Variants in UTS2 observed in about 807,000 individuals in gnomAD.
UTS2 encodes the protein urotensin 2.
In UTS2, 10 loss-of-function variants were observed where a neutral mutation model predicts 12.6. The ratio of observed to expected loss-of-function variants is 0.80; its 90% confidence interval spans 0.49 to 1.35. The LOEUF is 1.35. Among genes scored for constraint, UTS2 ranks in the 40% most tolerant of loss-of-function variants. UTS2 has a pLI of 0.00. For missense variants in UTS2, 142 were observed against 143.2 expected, an observed-to-expected ratio of 0.99 and a Z score of 0.04; for synonymous variants, 52 against 50.0, an observed-to-expected ratio of 1.04 and a Z score of -0.17.
the UTS2 span, among the ~76,000 whole-genome samples, chr1:7,866,367 C>T: frequency 2.0e-4 from 31 of 152,138 alleles, no homozygotes; most frequent in Non-Finnish European, 3.5e-4. This position sits in a 1 kb window ranked among gnomAD's most constrained non-coding sequence, Gnocchi z 4.5. Flanking sequence ...GTCAAGTGAG[C>T]GTGAGCGTGG....
At chr1:7,902,767 T>G in the UTS2 span, among the ~76,000 whole-genome samples, 1 of 152,086 alleles carries the variant, frequency 6.6e-6, no homozygotes, top group African/African-American at 2.4e-5. Flanking sequence ...CGTTAGCCTT[T>G]AACAGAGGCG....
chr1:7,875,645 G>A, the UTS2 span, among the ~76,000 whole-genome samples: 1 of 152,056 alleles, frequency 6.6e-6, no homozygotes, highest in Non-Finnish European at 1.5e-5. Context: ...CATCATCTGA[G>A]GGCCAAGGGA....
the UTS2 span, among the ~76,000 whole-genome samples, chr1:7,862,962 C>T: frequency 6.6e-6 from 1 of 150,848 alleles, no homozygotes; most frequent in African/African-American, 2.5e-5. Context: ...ATAAGGCCTA[C>T]CCTGACGGCC....
the UTS2 span, among the ~76,000 whole-genome samples, chr1:7,897,912 G>C: frequency 6.6e-6 from 1 of 151,958 alleles, no homozygotes; most frequent in Non-Finnish European, 1.5e-5. Flanking sequence ...TATATATGTC[G>C]CATCCTTCTT....
the UTS2 span, among the ~76,000 whole-genome samples, chr1:7,876,682 A>G: frequency 2.6e-5 from 4 of 152,178 alleles, no homozygotes; most frequent in Non-Finnish European, 4.4e-5. Flanking sequence ...AAAATCATAT[A>G]AAGACTATAC....
At chr1:7,861,457 T>C in the UTS2 span, among the ~76,000 whole-genome samples, 4 of 151,842 alleles carry the variant, frequency 2.6e-5, no homozygotes, top group African/African-American at 9.7e-5. Flanking sequence ...TTTTGCAGAG[T>C]CTTGCTAGAA....
At position 7,853,021 on chromosome 1, in the gene UTS2, C is replaced by T. The variant is rs376634549; in HGVS notation, c.-18G>A. 2.0e-5 allele frequency: 32 copies of T among 1,597,746 alleles called. No individual in the cohort carries two copies. The African/African-American group carries it at 2.2e-4, about 11-fold the overall frequency. ...TTATACATGATCGCCACAAGATAGA[C>T]GGCTTCCTTCTTGGCTTCTGTTGTA... On this transcript the variant is annotated 5_prime_UTR_variant, in exon 1 of 4. Transcript: ENST00000361696.
chr1:7,885,908 TG>T, the UTS2 span, among the ~76,000 whole-genome samples: 79 of 14,006 alleles, frequency 5.6e-3, 4 homozygotes, highest in East Asian at 0.2. Context: ...GGGGGTGGGG[TG>T]GGGGGGGGCG....
At chr1:7,885,135 C>CATCT in the UTS2 span, among the ~76,000 whole-genome samples, 1 of 150,716 alleles carries the variant, frequency 6.6e-6, no homozygotes, top group African/African-American at 2.4e-5. Context: ...ACCTATCATC[C>CATCT]ATCCATCCAT....
the UTS2 span, among the ~76,000 whole-genome samples, chr1:7,873,419 G>A: frequency 2.0e-5 from 3 of 152,216 alleles, no homozygotes; most frequent in South Asian, 6.2e-4. Context: ...CACTCTAGAT[G>A]CCATTAAGAA....
the UTS2 span, among the ~76,000 whole-genome samples, chr1:7,905,336 G>C: frequency 6.6e-6 from 1 of 151,640 alleles, no homozygotes; most frequent in Non-Finnish European, 1.5e-5. Context: ...GTAGACACGG[G>C]GTTTCTCCAT....
intron 2 of UTS2, 129 bp downstream of exon 2, chr1:7,850,683 G>T: frequency 2.2e-6 from 2 of 893,626 alleles, no homozygotes; most frequent in Non-Finnish European, 3.5e-6. Flanking sequence ...GGAGAGTGTT[G>T]GTAATTACTT....
the UTS2 span, among the ~76,000 whole-genome samples, chr1:7,863,081 T>C: frequency 9.9e-6 from 1 of 101,032 alleles, no homozygotes; most frequent in African/African-American, 3.9e-5. Flanking sequence ...TTGTATTGTA[T>C]TGTATTGTAT....
At chr1:7,858,584 AT>A in the UTS2 span, among the ~76,000 whole-genome samples, 382 of 150,006 alleles carry the variant, frequency 2.5e-3, no homozygotes, top group African/African-American at 7.4e-3. Context: ...TCTATTAATT[AT>A]TTTTTTTTTG....
the UTS2 span, among the ~76,000 whole-genome samples, chr1:7,871,744 A>G: frequency 0.15 from 22,575 of 152,062 alleles, 1,975 homozygotes; most frequent in Non-Finnish European, 0.18. Flanking sequence ...ACCTGTGCTC[A>G]GTGATCTTTC....
At chr1:7,898,483 G>GT in the UTS2 span, among the ~76,000 whole-genome samples, 4,504 of 148,020 alleles carry the variant, frequency 0.03, 155 homozygotes, top group African/African-American at 0.082. Context: ...TTTGTTTTTT[G>GT]TTTTTTTTTT....
At chr1:7,907,845 A>C in the UTS2 span, among the ~76,000 whole-genome samples, 1 of 152,094 alleles carries the variant, frequency 6.6e-6, no homozygotes, top group Non-Finnish European at 1.5e-5. Flanking sequence ...TCAACTTCAC[A>C]GGTAGTTGTT....
chr1:7,868,719 CTG>C, the UTS2 span, among the ~76,000 whole-genome samples: 1 of 152,240 alleles, frequency 6.6e-6, no homozygotes, highest in African/African-American at 2.4e-5. Context: ...TCCCAGGGCT[CTG>C]TGCATTCTGG....
chr1:7,857,413 A>T (rs1449133526), upstream of UTS2, among the ~76,000 whole-genome samples: 1 of 152,222 alleles, frequency 6.6e-6, no homozygotes, highest in Admixed American at 6.5e-5. Context: ...AGTAACCAAA[A>T]GATTATAAAA....
Sources: allele counts gnomAD v4.1 joint callset (sites outside exome capture counted in the v4.1 genomes callset), GRCh38; gene constraint gnomAD v4.1.1; non-coding constraint Gnocchi (gnomAD v3.1); transcripts MANE v1.5; gene names NCBI Gene and HGNC (gene_info 2026-07-23, HGNC 2026-07-21).